LRRC4C: variants seen among roughly 807,000 people sequenced by gnomAD.
LRRC4C encodes the protein leucine rich repeat containing 4C.
LRRC4C carries 5 observed loss-of-function variants against 33.6 expected under a neutral mutation model. The ratio of observed to expected loss-of-function variants is 0.15; its 90% CI spans 0.08 to 0.31. LRRC4C has a LOEUF of 0.31. Ranked by LOEUF, LRRC4C falls within the 10% of genes least tolerant of loss-of-function variation. LRRC4C has a pLI of 1.00. For missense variants in LRRC4C, 560 were observed against 796.7 expected (o/e 0.70, Z 3.58); for synonymous variants, 329 against 302.0 (o/e 1.09, Z -0.93).
intron 1 of LRRC4C, among the ~76,000 whole-genome samples, chr11:41,104,902 GA>G (rs1337265599): frequency 2.0e-5 from 3 of 151,832 alleles, no homozygotes; most frequent in Non-Finnish European, 2.9e-5. Context: ...TGTAAAGACA[GA>G]AAATAGACTA....
At chr11:40,984,542 T>C (rs1035505915) in intron 1 of LRRC4C, among the ~76,000 whole-genome samples, 1 of 152,144 alleles carries the variant, frequency 6.6e-6, no homozygotes, top group Non-Finnish European at 1.5e-5. Context: ...AGCCATGCAA[T>C]AGAAGTAGGG....
chr11:40,872,496 A>T (rs1322485335), intron 2 of LRRC4C, among the ~76,000 whole-genome samples: 2 of 152,034 alleles, frequency 1.3e-5, no homozygotes, highest in African/African-American at 4.8e-5. Flanking sequence ...GCATTTTCTT[A>T]TATACTCCTT....
chr11:41,228,336 A>AT (rs1010371531), intron 1 of LRRC4C, among the ~76,000 whole-genome samples: 10 of 151,966 alleles, frequency 6.6e-5, no homozygotes, highest in South Asian at 2.1e-4. Flanking sequence ...TTTTTATGAG[A>AT]TTTTTTCCCC....
intron 2 of LRRC4C, among the ~76,000 whole-genome samples, chr11:40,770,867 G>A (rs1188051025): frequency 6.6e-6 from 1 of 152,188 alleles, no homozygotes; most frequent in Non-Finnish European, 1.5e-5. Flanking sequence ...CATGGCCTTG[G>A]GCAGCTCCAC....
intron 1 of LRRC4C, among the ~76,000 whole-genome samples, chr11:41,023,125 A>T (rs16935287): frequency 0.014 from 2,154 of 152,082 alleles, 51 homozygotes; most frequent in African/African-American, 0.05. Context: ...CACCAAGATC[A>T]TTAGGAAACC....
intron 3 of LRRC4C, among the ~76,000 whole-genome samples, chr11:40,641,493 C>T (rs2136089850): frequency 6.6e-6 from 1 of 152,248 alleles, no homozygotes; most frequent in Non-Finnish European, 1.5e-5. Flanking sequence ...CAGAATTTTA[C>T]TATTATTATT....
intron 1 of LRRC4C, among the ~76,000 whole-genome samples, chr11:41,219,695 C>T (rs1166321549): frequency 6.6e-6 from 1 of 152,186 alleles, no homozygotes; most frequent in Non-Finnish European, 1.5e-5. Context: ...GAAAATCACC[C>T]GGTGTTGACC....
intron 1 of LRRC4C, among the ~76,000 whole-genome samples, chr11:41,237,841 A>C (rs1948088567): frequency 6.6e-6 from 1 of 152,138 alleles, no homozygotes; most frequent in Non-Finnish European, 1.5e-5. Flanking sequence ...TAATTACCTA[A>C]ATATTAGCTT....
At chr11:41,021,755 G>A (rs1198771766) in intron 1 of LRRC4C, among the ~76,000 whole-genome samples, 2 of 151,908 alleles carry the variant, frequency 1.3e-5, no homozygotes, top group African/African-American at 4.8e-5. Flanking sequence ...GTCTCTATGT[G>A]ACTAACCTCA....
At chr11:40,750,421 T>C (rs1185541525) in intron 2 of LRRC4C, among the ~76,000 whole-genome samples, 1 of 151,552 alleles carries the variant, frequency 6.6e-6, no homozygotes, top group African/African-American at 2.4e-5. Context: ...CTAACAATGA[T>C]AGACTGGATT....
intron 3 of LRRC4C, among the ~76,000 whole-genome samples, chr11:40,527,238 A>T (rs912233844): frequency 6.6e-6 from 1 of 152,134 alleles, no homozygotes. Flanking sequence ...TCATCAAGCT[A>T]TTCACCTATG....
chr11:40,610,388 A>G (rs1445478170), intron 3 of LRRC4C, among the ~76,000 whole-genome samples: 1 of 151,810 alleles, frequency 6.6e-6, no homozygotes, highest in Non-Finnish European at 1.5e-5. Flanking sequence ...AAGGCCATAC[A>G]TGAAAAGCCC....
chr11:40,327,004 C>A (rs1946135374), intron 3 of LRRC4C, among the ~76,000 whole-genome samples: 1 of 152,118 alleles, frequency 6.6e-6, no homozygotes, highest in Non-Finnish European at 1.5e-5. Flanking sequence ...TGGAAGAAAT[C>A]TTAATAGGAT....
At chr11:40,633,345 C>CTTTG (rs1354038103) in intron 3 of LRRC4C, among the ~76,000 whole-genome samples, 1 of 39,114 alleles carries the variant, frequency 2.6e-5, no homozygotes, top group Non-Finnish European at 4.9e-5. Flanking sequence ...TTCTTTCTTT[C>CTTTG]TTTCTTTCTT....
chr11:41,440,501 C>G (rs1955581332), intron 1 of LRRC4C, among the ~76,000 whole-genome samples: 1 of 151,858 alleles, frequency 6.6e-6, no homozygotes. Flanking sequence ...AAAAAAAGCA[C>G]AAATCAAATG....
intron 1 of LRRC4C, among the ~76,000 whole-genome samples, chr11:41,274,955 T>C (rs898793760): frequency 2.0e-5 from 3 of 152,072 alleles, no homozygotes; most frequent in Non-Finnish European, 4.4e-5. Flanking sequence ...CTGGGAGATG[T>C]ATGGGTCATG....
chr11:40,644,156 GA>G (rs973452961), intron 3 of LRRC4C, among the ~76,000 whole-genome samples: 6 of 152,110 alleles, frequency 3.9e-5, no homozygotes, highest in Non-Finnish European at 7.4e-5. Flanking sequence ...AAACTTTTGG[GA>G]AAAAAATAAA....
intron 4 of LRRC4C, among the ~76,000 whole-genome samples, chr11:40,280,790 T>C (rs547542693): frequency 1.3e-5 from 2 of 152,316 alleles, no homozygotes; most frequent in South Asian, 2.1e-4. Flanking sequence ...TAATATGTTC[T>C]GTGTCCTACC....
chr11:40,578,141 GTTTTTTTTTTTT>G (rs1360920903), intron 3 of LRRC4C, among the ~76,000 whole-genome samples: 1 of 50,136 alleles, frequency 2.0e-5, no homozygotes. Flanking sequence ...TTTTTTTTCG[GTTTTTTTTTTTT>G]TTTTTTTTTT....
Sources: allele counts gnomAD v4.1 joint callset (sites outside exome capture counted in the v4.1 genomes callset), GRCh38; gene constraint gnomAD v4.1.1; transcripts MANE v1.5; gene names NCBI Gene and HGNC (gene_info 2026-07-23, HGNC 2026-07-21).